Variants in SPOP observed in about 807,000 individuals in gnomAD.
The protein encoded by SPOP is speckle type BTB/POZ protein.
In SPOP, 11 loss-of-function variants were observed where a neutral mutation model predicts 45.6. The ratio of observed to expected loss-of-function variants is 0.24; its 90% CI spans 0.15 to 0.40. The LOEUF (loss-of-function observed/expected upper bound fraction) is 0.40, where lower values mean the gene tolerates loss of function less well. Among genes scored for constraint, SPOP ranks in the 10% least tolerant of loss-of-function variants. The probability of loss-of-function intolerance (pLI) is 1.00; values close to 1 mark genes in which losing one functional copy is unlikely to be tolerated. For missense variants in SPOP, 152 were observed against 465.6 expected (o/e 0.33, Z 6.20); for synonymous variants, 166 against 166.3 (o/e 1.00, Z 0.01).
At chr17:49,616,777 G>A (rs1455344127) in intron 5 of SPOP, among the ~76,000 whole-genome samples, 2 of 152,188 alleles carry the variant, frequency 1.3e-5, no homozygotes, top group Non-Finnish European at 2.9e-5. Flanking sequence ...AGTGTGAGAG[G>A]AACAGATGGC....
At chr17:49,668,775 C>CTT (rs371542684) in intron 1 of SPOP, among the ~76,000 whole-genome samples, 17 of 138,928 alleles carry the variant, frequency 1.2e-4, no homozygotes, top group African/African-American at 4.0e-4. Flanking sequence ...ATATACATAT[C>CTT]TTTTTTTTTT....
intron 1 of SPOP, among the ~76,000 whole-genome samples, chr17:49,665,354 C>A (rs981235331): frequency 6.6e-6 from 1 of 152,102 alleles, no homozygotes; most frequent in Non-Finnish European, 1.5e-5. Context: ...GTGGCACACA[C>A]CTGTAATCCC....
chr17:49,629,946 T>C (rs2072418713), intron 1 of SPOP, among the ~76,000 whole-genome samples: 3 of 152,196 alleles, frequency 2.0e-5, no homozygotes, highest in Non-Finnish European at 4.4e-5. Flanking sequence ...ACAAAAATAG[T>C]TGAATATCAG....
Position 49,600,265 on chromosome 17 carries a change from C to G in SPOP, c.*113G>C. 7.2e-7 allele frequency: 1 copy of G among 1,389,570 alleles called. No homozygotes were observed. Among genetic ancestry groups the G allele is most frequent in the Non-Finnish European group, 1.0e-6 (1 of 1,003,112 alleles). The allele number at this position is 1,389,570 out of a possible 1,614,324, so 86.1% of individuals were successfully genotyped here. A position where few individuals can be genotyped will look rare whatever the true frequency, so the allele number is the denominator to read the frequency against. On this transcript the variant is annotated 3_prime_UTR_variant, in exon 10 of 10. Transcript: ENST00000504102. The surrounding 1 kb of genome is among the most constrained non-coding windows in gnomAD (Gnocchi z 4.2). ...TCTGGGGCCACAATGCAGTCTCTTC[C>G]CCTCACAACAGAGTAAAAGCTCCAC...
At chr17:49,658,486 CT>C (rs2072944961) in intron 1 of SPOP, among the ~76,000 whole-genome samples, 2 of 152,128 alleles carry the variant, frequency 1.3e-5, no homozygotes, top group South Asian at 4.1e-4. Context: ...ATAGGTGCTC[CT>C]AATGAGAAGT....
Position 49,607,384 on chromosome 17 carries a change from A to G in SPOP, c.715-12T>C, listed in dbSNP as rs372781033. On this transcript the variant is annotated splice_polypyrimidine_tract_variant and intron_variant, in intron 7 of 9. Coordinates refer to ENST00000504102, the MANE Select transcript of SPOP (RefSeq NM_001007228.2). ...ATTTCAACTCGATTCTATGCCAGAA[A>G]AACTGAATATGAGAAACATTCCAAC... The G allele has an allele frequency of 8.1e-5, 130 of 1,610,382 alleles. No homozygotes were observed. The highest frequency in any genetic ancestry group is 1.1e-4 in the Non-Finnish European group (124 of 1,178,208).
At chr17:49,618,165 G>A (rs1342978819) in intron 5 of SPOP, among the ~76,000 whole-genome samples, 1 of 152,156 alleles carries the variant, frequency 6.6e-6, no homozygotes, top group Admixed American at 6.5e-5. Flanking sequence ...ATCAAGCGGT[G>A]CTGCTCAGGA....
At chr17:49,647,343 A>AG (rs2072776639) in intron 1 of SPOP, among the ~76,000 whole-genome samples, 3 of 143,984 alleles carry the variant, frequency 2.1e-5, no homozygotes, top group African/African-American at 7.6e-5. Flanking sequence ...AAAAAAAAAA[A>AG]GTTCTTTTGT....
rs1047814736 is a variant in SPOP at position 49,599,342 on chromosome 17, C to G, written c.*1036G>C. The stretch of plus-strand genomic sequence containing the variant: ...AAAAAAATTAACATTTGGAAGTTCT[C>G]CCCTGGAGGAAGAGGGGCTAGTCAG... On this transcript the variant is annotated 3_prime_UTR_variant, in exon 10 of 10. Transcript: ENST00000504102. 8.9e-6 allele frequency: 2 copies of G among 223,900 alleles called. No homozygotes were observed. The highest frequency in any genetic ancestry group is 2.2e-5 in the African/African-American group (1 of 44,776). 13.9% of individuals were successfully genotyped at this position (223,900 alleles called of 1,614,324 possible).
intron 1 of SPOP, among the ~76,000 whole-genome samples, chr17:49,647,658 T>A (rs1017726941): frequency 5.3e-5 from 8 of 152,072 alleles, no homozygotes; most frequent in Non-Finnish European, 1.2e-4. Flanking sequence ...TTTCTGTATT[T>A]TTAGCAGAGA....
intron 1 of SPOP, among the ~76,000 whole-genome samples, chr17:49,634,209 C>T (rs776066087): frequency 1.3e-5 from 2 of 152,076 alleles, no homozygotes; most frequent in Non-Finnish European, 2.9e-5. Flanking sequence ...GAAAGGCAAA[C>T]GCAAGCAATC....
chr17:49,655,971 C>T (rs966914204), intron 1 of SPOP, among the ~76,000 whole-genome samples: 9 of 152,040 alleles, frequency 5.9e-5, no homozygotes, highest in African/African-American at 1.2e-4. Context: ...CCACCATGCC[C>T]GGCTAATTTT....
chr17:49,649,290 C>T (rs761254565), intron 1 of SPOP, among the ~76,000 whole-genome samples: 2 of 152,070 alleles, frequency 1.3e-5, no homozygotes, highest in Non-Finnish European at 2.9e-5. Flanking sequence ...GTAATCCCAG[C>T]ACTTTGGGAA....
intron 1 of SPOP, among the ~76,000 whole-genome samples, chr17:49,644,130 C>G (rs1177638599): frequency 6.6e-6 from 1 of 151,990 alleles, no homozygotes; most frequent in East Asian, 1.9e-4. Context: ...CTTTGGGAGG[C>G]CAAGGCAGGA....
At chr17:49,658,088 CAG>C (rs1224149632) in intron 1 of SPOP, among the ~76,000 whole-genome samples, 1 of 152,114 alleles carries the variant, frequency 6.6e-6, no homozygotes. Flanking sequence ...ATCCATAAAA[CAG>C]AATTCTATGT....
chr17:49,644,463 AG>A lies in SPOP; in HGVS notation c.-66-21588del, dbSNP rs761995227. ...ACCACTGAAACAAAAGAAGAGGAGA[AG>A]GAAGAAGAAGATGATGATGATGAGG... On this transcript the variant is annotated intron_variant, in intron 1 of 9. Transcript: ENST00000504102. Among the ~76,000 whole-genome samples the A allele has an allele frequency of 3.3e-5, 5 of 152,346 alleles. No homozygotes were observed. In the South Asian group the frequency reaches 1.0e-3, roughly 32 times the overall value.
At chr17:49,658,052 G>T (rs1052502177) in intron 1 of SPOP, among the ~76,000 whole-genome samples, 4 of 152,090 alleles carry the variant, frequency 2.6e-5, no homozygotes, top group African/African-American at 9.7e-5. Flanking sequence ...TCATTATTGG[G>T]AAATTGGCCA....
intron 1 of SPOP, among the ~76,000 whole-genome samples, chr17:49,673,437 C>T (rs938805447): frequency 6.6e-5 from 10 of 151,742 alleles, no homozygotes; most frequent in Admixed American, 5.3e-4. Flanking sequence ...ACCCAGGAGG[C>T]GGAGCTTGCA....
In SPOP at chr17:49,600,221, T is replaced by C. The variant is rs1013198961; in HGVS notation, c.*157A>G. 4.3e-6 allele frequency: 4 copies of C among 932,616 alleles called. No individual in the cohort carries two copies. Among genetic ancestry groups the C allele is most frequent in the Non-Finnish European group, 6.5e-6 (4 of 612,638 alleles). 57.8% of individuals were successfully genotyped at this position (932,616 alleles called of 1,614,324 possible). ...CCCTCCCCCCGTTTCCCCCAAGTTA[T>C]TTAGTGCTGTTTTAAAAGTCTGGGG... On this transcript the variant is annotated 3_prime_UTR_variant, in exon 10 of 10. Coordinates refer to ENST00000504102, the MANE Select transcript of SPOP (RefSeq NM_001007228.2). This position sits in a 1 kb window ranked among gnomAD's most constrained non-coding sequence, Gnocchi z 4.2.
Sources: allele counts gnomAD v4.1 joint callset (sites outside exome capture counted in the v4.1 genomes callset), GRCh38; gene constraint gnomAD v4.1.1; non-coding constraint Gnocchi (gnomAD v3.1); transcripts MANE v1.5; gene names NCBI Gene and HGNC (gene_info 2026-07-23, HGNC 2026-07-21).